The following EEIG1 variants were observed in gnomAD, a reference collection of about 807,000 sequenced individuals.
EEIG1 encodes the protein early estrogen-induced gene 1 protein.
At chr9:127,979,316 C>A in the EEIG1 span, among the ~76,000 whole-genome samples, 2 of 152,226 alleles carry the variant, frequency 1.3e-5, no homozygotes, top group Admixed American at 6.5e-5. Context: ...GCCCAATTGG[C>A]AAGGGACAGC....
the EEIG1 span, chr9:127,948,035 C>A: frequency 1.1e-3 from 1,716 of 1,588,850 alleles, 20 homozygotes; most frequent in Non-Finnish European, 1.9e-4. Flanking sequence ...CCTCGGGCCG[C>A]TAGCAGGGGA....
the EEIG1 span, among the ~76,000 whole-genome samples, chr9:127,955,058 C>T: frequency 6.6e-6 from 1 of 152,188 alleles, no homozygotes; most frequent in African/African-American, 2.4e-5. Context: ...TGGCAGAGCC[C>T]GTGCTCAGGA....
chr9:127,976,410 C>T, the EEIG1 span, among the ~76,000 whole-genome samples: 2 of 152,244 alleles, frequency 1.3e-5, no homozygotes, highest in South Asian at 4.1e-4. The surrounding 1 kb of genome is among the most constrained non-coding windows in gnomAD (Gnocchi z 4.1). Flanking sequence ...AGAATGCGTA[C>T]AATCAAGGGC....
At chr9:127,958,893 T>C in the EEIG1 span, among the ~76,000 whole-genome samples, 1 of 152,106 alleles carries the variant, frequency 6.6e-6, no homozygotes. Context: ...CCAAAGAACA[T>C]ACACAAGTGG....
the EEIG1 span, chr9:127,953,747 C>T: frequency 1.2e-6 from 2 of 1,613,550 alleles, no homozygotes; most frequent in African/African-American, 1.3e-5. Context: ...GGTGCGGACT[C>T]ATGAGGGGAG....
chr9:127,972,649 T>TGGAGGCAG, the EEIG1 span: 1 of 152,248 alleles, frequency 6.6e-6, no homozygotes, highest in East Asian at 1.9e-4. This position sits in a 1 kb window ranked among gnomAD's most constrained non-coding sequence, Gnocchi z 4.3. Context: ...CCTGCAGGCC[T>TGGAGGCAG]GGAGGCAGGG....
chr9:127,957,899 G>T, the EEIG1 span, among the ~76,000 whole-genome samples: 1 of 152,218 alleles, frequency 6.6e-6, no homozygotes, highest in South Asian at 2.1e-4. Context: ...TGTGATCCCA[G>T]CTACTTGGGA....
chr9:127,954,049 G>C, the EEIG1 span: 1 of 1,149,018 alleles, frequency 8.7e-7, no homozygotes. Flanking sequence ...CTTTCACTCT[G>C]TGTCACAAAA....
chr9:127,945,534 G>A, the EEIG1 span: 1 of 1,565,766 alleles, frequency 6.4e-7, no homozygotes, highest in South Asian at 1.2e-5. The surrounding 1 kb of genome is among the most constrained non-coding windows in gnomAD (Gnocchi z 6.5). Flanking sequence ...CTGAGAGGCT[G>A]GAGGAGCGCG....
chr9:127,948,335 C>A, the EEIG1 span: 1 of 1,613,628 alleles, frequency 6.2e-7, no homozygotes, highest in Non-Finnish European at 8.5e-7. Context: ...GACTGGGCTC[C>A]CATCCGCTCC....
chr9:127,972,060 G>C, the EEIG1 span, among the ~76,000 whole-genome samples: 1,362 of 152,150 alleles, frequency 9.0e-3, 20 homozygotes, highest in African/African-American at 0.031. This position sits in a 1 kb window ranked among gnomAD's most constrained non-coding sequence, Gnocchi z 4.3. Context: ...AGTGCCCTCT[G>C]CCTCCGTGGA....
the EEIG1 span, among the ~76,000 whole-genome samples, chr9:127,951,130 A>T: frequency 6.6e-6 from 1 of 152,122 alleles, no homozygotes; most frequent in Non-Finnish European, 1.5e-5. Context: ...AGTAAGTGCG[A>T]AGAGGGCATG....
chr9:127,949,844 G>A, the EEIG1 span, among the ~76,000 whole-genome samples: 6 of 152,354 alleles, frequency 3.9e-5, no homozygotes, highest in Middle Eastern at 6.8e-3. Flanking sequence ...AAAGGCCAAC[G>A]AGGCAGCTGC....
the EEIG1 span, among the ~76,000 whole-genome samples, chr9:127,969,964 C>G: frequency 6.6e-6 from 1 of 152,090 alleles, no homozygotes; most frequent in Non-Finnish European, 1.5e-5. Flanking sequence ...CTCACAGATA[C>G]TCAGAGAGAA....
the EEIG1 span, chr9:127,942,034 A>AG: frequency 6.5e-6 from 1 of 152,810 alleles, no homozygotes. Flanking sequence ...AGGCTTTAGT[A>AG]GGGGGCAGGG....
chr9:127,944,296 A>C, the EEIG1 span: 1 of 458,180 alleles, frequency 2.2e-6, no homozygotes, highest in African/African-American at 2.0e-5. Flanking sequence ...AGGAAGTAGA[A>C]GGGAGGGTTC....
the EEIG1 span, among the ~76,000 whole-genome samples, chr9:127,979,012 G>A: frequency 2.2e-4 from 34 of 151,684 alleles, no homozygotes; most frequent in Non-Finnish European, 3.7e-4. Context: ...GTTAAATCGC[G>A]TCCCCCCAAA....
At chr9:127,956,875 T>C in the EEIG1 span, among the ~76,000 whole-genome samples, 1 of 152,132 alleles carries the variant, frequency 6.6e-6, no homozygotes, top group African/African-American at 2.4e-5. Context: ...CCACAACACC[T>C]GGCTAATTTT....
chr9:127,963,840 G>C, the EEIG1 span: 1 of 152,326 alleles, frequency 6.6e-6, no homozygotes, highest in South Asian at 2.1e-4. Context: ...GGTTGAGAGG[G>C]GGAGACGGCC....
Sources: allele counts gnomAD v4.1 joint callset (sites outside exome capture counted in the v4.1 genomes callset), GRCh38; gene constraint gnomAD v4.1.1; non-coding constraint Gnocchi (gnomAD v3.1); transcripts MANE v1.5; gene names NCBI Gene and HGNC (gene_info 2026-07-23, HGNC 2026-07-21).